The following MYOF variants were observed in gnomAD, a reference collection of about 807,000 sequenced individuals.
MYOF encodes the protein fer-1-like 3, myoferlin.
A neutral mutation model predicts 284.2 loss-of-function variants in MYOF; 244 were observed. The ratio of observed to expected loss-of-function variants is 0.86; its 90% confidence interval spans 0.77 to 0.95. The LOEUF (loss-of-function observed/expected upper bound fraction) is 0.95, where lower values mean the gene tolerates loss of function less well. Among genes scored for constraint, MYOF ranks in the 40% least tolerant of loss-of-function variants. The probability of loss-of-function intolerance (pLI) is 0.00; values close to 1 mark genes in which losing one functional copy is unlikely to be tolerated. For missense variants in MYOF, 2,496 were observed against 2,560.6 expected (o/e 0.97, Z 0.54); for synonymous variants, 904 against 919.7 (o/e 0.98, Z 0.31).
chr10:93,414,225 TGTCCTCCC>T (rs1848023117), intron 5 of MYOF, among the ~76,000 whole-genome samples: 1 of 151,984 alleles, frequency 6.6e-6, no homozygotes, highest in East Asian at 1.9e-4. Flanking sequence ...TCTCCTTCTG[TGTCCTCCC>T]GTCTTCTCAT....
chr10:93,456,871 A>G lies in MYOF; in HGVS notation c.144+11T>C. On this transcript the variant is annotated intron_variant, in intron 2 of 53. Transcript: ENST00000359263. ...TCTATTAAAACAAAGTTGAAAAAAC[A>G]ATGAAGTCACCTCATTCCAGACAGG... 6.3e-7 allele frequency: 1 copy of G among 1,595,824 alleles called. No homozygotes were observed. Among genetic ancestry groups the G allele is most frequent in the Non-Finnish European group, 8.6e-7 (1 of 1,169,516 alleles).
chr10:93,365,739 T>C (rs1845295211), intron 26 of MYOF, among the ~76,000 whole-genome samples: 2 of 152,172 alleles, frequency 1.3e-5, no homozygotes, highest in Non-Finnish European at 2.9e-5. Flanking sequence ...CTACCTTTGT[T>C]ATGGGCTATC....
At chr10:93,393,037 G>A (rs1846778713) in intron 16 of MYOF, 82 bp from the exon 17 acceptor site, 1 of 1,263,476 alleles carries the variant, frequency 7.9e-7, no homozygotes, top group African/African-American at 1.5e-5. Context: ...ATCAAATCCA[G>A]TGCCAGGTAT....
At chr10:93,365,080 T>C (rs986143869) in intron 26 of MYOF, among the ~76,000 whole-genome samples, 1 of 152,160 alleles carries the variant, frequency 6.6e-6, no homozygotes, top group Non-Finnish European at 1.5e-5. Flanking sequence ...CCTCACCAAT[T>C]TCCCCCAACT....
At chr10:93,460,767 CAAAAAAAA>C (rs757591863) in intron 1 of MYOF, among the ~76,000 whole-genome samples, 6 of 25,302 alleles carry the variant, frequency 2.4e-4, no homozygotes, top group African/African-American at 6.8e-4. Context: ...ACCCCATCTC[CAAAAAAAA>C]AAAAAAAAAA....
At position 93,398,828 on chromosome 10, in the gene MYOF, T is replaced by C. The variant is rs540420835; in HGVS notation, c.1221+564A>G. ...TCCATGATGTGCTATTATTCTACTG[T>C]AGAATCTCACCCAACTCTCAACTCT... On this transcript the variant is annotated intron_variant, in intron 13 of 53. Coordinates refer to ENST00000359263, the MANE Select transcript of MYOF (RefSeq NM_013451.4). Among the ~76,000 whole-genome samples the C allele has an allele frequency of 5.9e-5, 9 of 152,358 alleles. 1 individual carries two copies. The South Asian group carries it at 1.9e-3, about 32-fold the overall frequency.
At chr10:93,395,401 C>G (rs150958798) in intron 16 of MYOF, among the ~76,000 whole-genome samples, 1 of 152,174 alleles carries the variant, frequency 6.6e-6, no homozygotes, top group Admixed American at 6.5e-5. Flanking sequence ...TGAGATCACG[C>G]CACTGCACTC....
intron 3 of MYOF, among the ~76,000 whole-genome samples, chr10:93,440,879 C>G (rs2056228146): frequency 1.3e-5 from 2 of 152,198 alleles, no homozygotes; most frequent in African/African-American, 2.4e-5. Context: ...AAGATCTTAA[C>G]AGATACCAAC....
chr10:93,349,845 G>A lies in MYOF; in HGVS notation c.4046C>T (p.Thr1349Ile). Residue 1349 changes from threonine (T) to isoleucine (I), a missense_variant, in exon 36 of 54, where the codon ACA (threonine) becomes ATA (isoleucine). Thr to Ile is a moderately conservative substitution (Grantham distance 89). Coordinates refer to ENST00000359263, the MANE Select transcript of MYOF (RefSeq NM_013451.4). ...GAGAACAGAACTTGGAAAGTTGGGT[G>A]TCTTCTTAAGGTTTTTGATCACCAC... ...ESVVIKNLKK[T>I]PNFPSSVLFM... The A allele has an allele frequency of 1.9e-6, 3 of 1,614,038 alleles. No individual in the cohort carries two copies. The highest frequency in any genetic ancestry group is 2.5e-6 in the Non-Finnish European group (3 of 1,179,996).
At chr10:93,346,048 G>A (rs1022917336) in intron 37 of MYOF, among the ~76,000 whole-genome samples, 1 of 152,186 alleles carries the variant, frequency 6.6e-6, no homozygotes, top group African/African-American at 2.4e-5. Context: ...AGCCAGGAAA[G>A]TGGTTTCTCT....
chr10:93,387,295 G>A (rs954577396), intron 19 of MYOF, among the ~76,000 whole-genome samples: 9 of 152,210 alleles, frequency 5.9e-5, no homozygotes, highest in African/African-American at 2.2e-4. Context: ...AGCTGGCTGT[G>A]CTGGCAAATG....
intron 1 of MYOF, among the ~76,000 whole-genome samples, chr10:93,463,517 A>T (rs1200543456): frequency 6.8e-6 from 1 of 146,750 alleles, no homozygotes; most frequent in Non-Finnish European, 1.5e-5. Flanking sequence ...CTCCTGCCTC[A>T]GCCTGCCGAG....
At position 93,374,923 on chromosome 10, in the gene MYOF, T is replaced by C. The variant is rs552853081; in HGVS notation, c.2141A>G (p.Asn714Ser). The C allele has an allele frequency of 9.9e-5, 159 of 1,613,866 alleles. 2 individuals are homozygous for C. The South Asian group carries it at 1.6e-3, about 17-fold the overall frequency. The change falls in exon 23 of 54, where the codon AAC becomes AGC. Residue 714 changes from asparagine (N) to serine (S), a missense_variant. By Grantham distance (46) the Asn-to-Ser change is conservative (BLOSUM62 1). Coordinates refer to ENST00000359263, the MANE Select transcript of MYOF (RefSeq NM_013451.4). ...YTLPLTEGKANVTVLDTQIRK... is the reference protein window; with the variant it reads ...YTLPLTEGKASVTVLDTQIRK... ...GATCTGAGTATCGAGAACTGTGACGTTGGCTTTTCCTTCTGTGAGAGGCAA... is the reference window on the plus strand; with the variant it reads ...GATCTGAGTATCGAGAACTGTGACGCTGGCTTTTCCTTCTGTGAGAGGCAA...
chr10:93,444,378 T>C (rs554511603), intron 3 of MYOF, among the ~76,000 whole-genome samples: 34 of 152,276 alleles, frequency 2.2e-4, no homozygotes, highest in African/African-American at 7.9e-4. Context: ...AATGAATAAG[T>C]AAATAGAAAA....
chr10:93,432,230 G>A (rs1848905397), intron 3 of MYOF, among the ~76,000 whole-genome samples: 1 of 151,848 alleles, frequency 6.6e-6, no homozygotes, highest in Non-Finnish European at 1.5e-5. Context: ...TCTACAAAAA[G>A]TTAAAAAATT....
At chr10:93,314,373 C>T (rs1311270462) in intron 50 of MYOF, among the ~76,000 whole-genome samples, 1 of 152,128 alleles carries the variant, frequency 6.6e-6, no homozygotes, top group Admixed American at 6.6e-5. Context: ...ACAGGCATGA[C>T]CCACTGTGCC....
At position 93,329,757 on chromosome 10, in the gene MYOF, C is replaced by T. The variant is rs371413309; in HGVS notation, c.4889G>A (p.Arg1630Gln). 183 of 1,613,984 alleles carry T rather than the reference C, an allele frequency of 1.1e-4. 2 individuals are homozygous for T. The highest frequency in any genetic ancestry group is 9.9e-4 in the Middle Eastern group (6 of 6,082). Residue 1630 changes from arginine (R) to glutamine (Q), a missense_variant, in exon 44 of 54, where the codon CGG becomes CAG. Arg to Gln is a conservative substitution (Grantham distance 43, BLOSUM62 1). Coordinates refer to ENST00000359263, the MANE Select transcript of MYOF (RefSeq NM_013451.4). The stretch of plus-strand genomic sequence containing the variant: ...AATTGTTTCTCCTACTTTTTCATCC[C>T]GGGTAAAGGTGTCATAATCATAGAC... ...ISVYDYDTFT[R>Q]DEKVGETIID... is the part of the protein sequence containing the mutation.
rs5787060 is a variant in MYOF at position 93,443,472 on chromosome 10, C to CTGTGTGTG, written c.236+8570_236+8577dup. On this transcript the variant is annotated intron_variant, in intron 3 of 53. Coordinates refer to ENST00000359263, the MANE Select transcript of MYOF (RefSeq NM_013451.4). ...TTCTTCTCTCTCTCTCTCTCTCTCT[C>CTGTGTGTG]TGTGTGTGTGTGTGTGTGTGTGTGT... 8.7e-4 allele frequency among the ~76,000 whole-genome samples: 119 copies of CTGTGTGTG among 137,232 alleles called. 1 individual carries two copies. The highest frequency in any genetic ancestry group is 8.4e-3 in the East Asian group (40 of 4,760). 90.0% of individuals were successfully genotyped at this position (137,232 alleles called of 152,430 possible).
chr10:93,374,098 G>A (rs1845725389), intron 23 of MYOF, among the ~76,000 whole-genome samples: 1 of 152,136 alleles, frequency 6.6e-6, no homozygotes. Flanking sequence ...ACCTATGAGT[G>A]AGAACATGCG....
Sources: allele counts gnomAD v4.1 joint callset (sites outside exome capture counted in the v4.1 genomes callset), GRCh38; gene constraint gnomAD v4.1.1; transcripts MANE v1.5; gene names NCBI Gene and HGNC (gene_info 2026-07-23, HGNC 2026-07-21).